Variants in DGKG observed in about 807,000 individuals in gnomAD.
The protein encoded by DGKG is diacylglycerol kinase gamma.
Under a neutral mutation model 105.3 loss-of-function variants are expected in DGKG, and 78 were observed. The observed-to-expected ratio is 0.74, with a 90% CI of 0.62 to 0.89. The LOEUF is 0.89. Ranked by LOEUF, DGKG falls within the 40% of genes least tolerant of loss-of-function variation. DGKG has a pLI of 0.00. For missense variants in DGKG, 958 were observed against 1,020.1 expected (o/e 0.94, Z 0.83); for synonymous variants, 346 against 367.1 (o/e 0.94, Z 0.66).
intron 16 of DGKG, among the ~76,000 whole-genome samples, chr3:186,259,465 C>T (rs901591165): frequency 2.6e-5 from 4 of 152,172 alleles, no homozygotes; most frequent in Non-Finnish European, 5.9e-5. Context: ...TGTACTGAAT[C>T]CGCACTTATG....
At position 186,298,109 on chromosome 3, in the gene DGKG, C is replaced by T; in HGVS notation, c.265G>A (p.Asp89Asn). ...TTGCTGGCTCCCTCCGTCGGGTGGT[C>T]AGAGGTCTCGTGTCTGGGCTTCTGG... ...FSQKPRHETS[D>N]HPTEGASNSE... Residue 89 changes from aspartate to asparagine, a missense_variant, in exon 4 of 25, where the codon GAC becomes AAC. Around this residue, in one of 2 missense-constraint regions of DGKG, gnomAD observed 643 missense variants for 619.5 expected, o/e 1.04. Transcript: ENST00000265022. 6.2e-7 allele frequency: 1 copy of T among 1,613,960 alleles called. No homozygotes were observed. The highest frequency in any genetic ancestry group is 8.5e-7 in the Non-Finnish European group (1 of 1,179,944).
intron 20 of DGKG, among the ~76,000 whole-genome samples, chr3:186,241,962 C>A (rs536392640): frequency 5.5e-4 from 83 of 152,270 alleles, no homozygotes; most frequent in African/African-American, 1.9e-3. Context: ...TTAGTGGGTT[C>A]CGGGTCTCCA....
At chr3:186,346,512 A>G (rs1426454046) in intron 1 of DGKG, among the ~76,000 whole-genome samples, 2 of 152,222 alleles carry the variant, frequency 1.3e-5, no homozygotes, top group Non-Finnish European at 2.9e-5. Context: ...AGAAGGAAGC[A>G]TTCTATAAAC....
intron 1 of DGKG, among the ~76,000 whole-genome samples, chr3:186,352,413 T>C (rs372718680): frequency 9.2e-4 from 140 of 152,294 alleles, no homozygotes; most frequent in African/African-American, 3.3e-3. Flanking sequence ...GACTCTCCCC[T>C]GATCTCATGA....
intron 1 of DGKG, among the ~76,000 whole-genome samples, chr3:186,344,025 A>G (rs566720208): frequency 6.6e-5 from 10 of 152,318 alleles, no homozygotes; most frequent in Admixed American, 5.9e-4. Context: ...CAAAACCACA[A>G]TGAGATGCCA....
intron 24 of DGKG, among the ~76,000 whole-genome samples, chr3:186,154,933 C>G (rs1282158288): frequency 1.3e-5 from 2 of 152,102 alleles, no homozygotes; most frequent in Non-Finnish European, 2.9e-5. Context: ...GATGCATACT[C>G]AAGTCTGAGA....
At chr3:186,320,184 C>T (rs1725013355) in intron 2 of DGKG, among the ~76,000 whole-genome samples, 2 of 152,146 alleles carry the variant, frequency 1.3e-5, no homozygotes, top group Non-Finnish European at 2.9e-5. Flanking sequence ...TTGCAAATTT[C>T]TATGGTGAGC....
intron 10 of DGKG, among the ~76,000 whole-genome samples, chr3:186,273,381 T>C (rs1722420712): frequency 7.0e-6 from 1 of 142,418 alleles, no homozygotes; most frequent in South Asian, 2.4e-4. Context: ...TTTTTTTTTT[T>C]TTTTTTTTTT....
At chr3:186,307,512 T>A (rs1724305853) in intron 2 of DGKG, among the ~76,000 whole-genome samples, 1 of 152,228 alleles carries the variant, frequency 6.6e-6, no homozygotes, top group Non-Finnish European at 1.5e-5. Flanking sequence ...GAGTTAAGCA[T>A]TCCCTTCATT....
At chr3:186,232,578 T>C (rs1323289804) in intron 20 of DGKG, among the ~76,000 whole-genome samples, 1 of 152,234 alleles carries the variant, frequency 6.6e-6, no homozygotes, top group African/African-American at 2.4e-5. Flanking sequence ...ATTGTGTTTC[T>C]CCATGATGGG....
At chr3:186,302,395 G>A (rs1283863812) in intron 3 of DGKG, among the ~76,000 whole-genome samples, 1 of 148,844 alleles carries the variant, frequency 6.7e-6, no homozygotes, top group Admixed American at 6.8e-5. Context: ...AGATTGAATG[G>A]ATATATGTAT....
intron 2 of DGKG, among the ~76,000 whole-genome samples, chr3:186,318,944 G>C (rs1214449794): frequency 1.3e-5 from 2 of 152,196 alleles, no homozygotes; most frequent in East Asian, 3.8e-4. Flanking sequence ...TTTGCCTGCT[G>C]CCTTAAAGCA....
chr3:186,150,140 G>C lies in DGKG; in HGVS notation c.2326C>G (p.Gln776Glu), dbSNP rs2108465260. 6.2e-7 allele frequency: 1 copy of C among 1,613,660 alleles called. No individual in the cohort carries two copies. The highest frequency in any genetic ancestry group is 1.3e-5 in the African/African-American group (1 of 75,030). Residue 776 changes from glutamine to glutamate, a missense_variant, in exon 25 of 25, where the codon CAG (glutamine) becomes GAG (glutamate). Physicochemically the swap from Gln to Glu is conservative, Grantham distance 29. This residue lies in a region of DGKG where 315 missense variants were observed against 400.6 expected (regional missense o/e 0.79). Coordinates refer to ENST00000265022, the MANE Select transcript of DGKG (RefSeq NM_001346.3). ...NQAPMMMGPP[Q>E]KSSFFSLRRK... ...CTCAACGAGAAGAAGCTGCTCTTCT[G>C]GGGAGGCCCCATCATCATGGGCGCT...
Position 186,198,018 on chromosome 3 carries a change from T to C in DGKG, c.1918-9639A>G, listed in dbSNP as rs182889710. 2.0e-5 allele frequency among the ~76,000 whole-genome samples: 3 copies of C among 152,342 alleles called. No individual in the cohort carries two copies. In the East Asian group the frequency reaches 5.8e-4, roughly 29 times the overall value. On this transcript the variant is annotated intron_variant, in intron 21 of 24. Coordinates refer to ENST00000265022, the MANE Select transcript of DGKG (RefSeq NM_001346.3). ...TGTCCCCTAGGAGACTTTAAACTCA[T>C]AGAAGGCGGGGACCATATCTGACAG... is the stretch of plus-strand genomic sequence containing the variant.
At chr3:186,359,922 AT>A (rs933137564) in intron 1 of DGKG, among the ~76,000 whole-genome samples, 1 of 152,204 alleles carries the variant, frequency 6.6e-6, no homozygotes, top group Admixed American at 6.5e-5. Flanking sequence ...TAAGATATAC[AT>A]TTTAAAAGTT....
rs1720168260 is a variant in DGKG, at chr3:186,231,857, A to G, written c.1826+10647T>C. 6.6e-6 allele frequency among the ~76,000 whole-genome samples: 1 copy of G among 152,114 alleles called. No homozygotes were observed. Among genetic ancestry groups the G allele is most frequent in the Non-Finnish European group, 1.5e-5 (1 of 68,018 alleles). On this transcript the variant is annotated intron_variant, in intron 20 of 24. Coordinates refer to ENST00000265022, the MANE Select transcript of DGKG (RefSeq NM_001346.3). This position sits in a 1 kb window ranked among gnomAD's most constrained non-coding sequence, Gnocchi z 4.5. Reference sequence around the variant, plus strand: ...AATTGCTTGAACCCTGAAGGCGGCCATGTCAGTGAGCCGAGATAGAGCCAC... The same window carrying G: ...AATTGCTTGAACCCTGAAGGCGGCCGTGTCAGTGAGCCGAGATAGAGCCAC...
chr3:186,251,140 A>G (rs553743601), intron 19 of DGKG, among the ~76,000 whole-genome samples: 22 of 152,174 alleles, frequency 1.4e-4, no homozygotes, highest in African/African-American at 4.8e-4. Flanking sequence ...CATTAAACCA[A>G]TTCCTTCAAC....
chr3:186,206,388 C>G (rs906080605), intron 21 of DGKG, among the ~76,000 whole-genome samples: 3 of 147,540 alleles, frequency 2.0e-5, no homozygotes, highest in Admixed American at 6.7e-5. Flanking sequence ...GTCAAAAAAA[C>G]AAAACAAAAC....
chr3:186,195,160 C>T (rs767341105), intron 21 of DGKG, among the ~76,000 whole-genome samples: 2 of 151,866 alleles, frequency 1.3e-5, no homozygotes, highest in Non-Finnish European at 2.9e-5. Context: ...GTATAATAAA[C>T]CCCCGTGTAC....
Sources: gnomAD v4.1 joint callset for allele counts (sites outside exome capture counted in the v4.1 genomes callset) on GRCh38, gnomAD v4.1.1 for gene constraint, gnomAD v4.1.1 regional missense constraint, Gnocchi (gnomAD v3.1) non-coding constraint, MANE v1.5 for transcripts, NCBI Gene and HGNC (gene_info 2026-07-23, HGNC 2026-07-21) for gene names.